ARID1A: variants seen among roughly 807,000 people sequenced by gnomAD.
The protein encoded by ARID1A is AT-rich interactive domain-containing protein 1A.
ARID1A carries 20 observed loss-of-function variants against 212.6 expected under a neutral mutation model. The ratio of observed to expected loss-of-function variants is 0.09; its 90% CI spans 0.07 to 0.14. The LOEUF is 0.14. Ranked by LOEUF, ARID1A falls within the 10% of genes least tolerant of loss-of-function variation. ARID1A has a pLI of 1.00. For synonymous variants in ARID1A, 1,376 were observed against 1,222.1 expected (o/e 1.13, Z -2.63); for missense variants, 2,587 against 3,059.0 (o/e 0.85, Z 3.64).
At position 26,696,312 on chromosome 1, in the gene ARID1A, C is replaced by T. The variant is rs1557568729; in HGVS notation, c.-92C>T. 5.9e-6 allele frequency: 7 copies of T among 1,181,904 alleles called. No homozygotes were observed. Among genetic ancestry groups the T allele is most frequent in the Non-Finnish European group, 7.3e-6 (7 of 959,034 alleles). 73.2% of individuals were successfully genotyped at this position (1,181,904 alleles called of 1,614,324 possible). A position where few individuals can be genotyped will look rare whatever the true frequency, so the allele number is the denominator to read the frequency against. On this transcript the variant is annotated 5_prime_UTR_variant, in exon 1 of 20. Coordinates refer to ENST00000324856, the MANE Select transcript of ARID1A (RefSeq NM_006015.6). ...GGCCCGCCCGGGCGGGTGGGGAGGGCAGCCCGGGGGACTGGGCCCCGGGGC... is the reference window on the plus strand; with the variant it reads ...GGCCCGCCCGGGCGGGTGGGGAGGGTAGCCCGGGGGACTGGGCCCCGGGGC...
chr1:26,721,281 G>A (rs1364609697), intron 1 of ARID1A, among the ~76,000 whole-genome samples: 1 of 152,106 alleles, frequency 6.6e-6, no homozygotes, highest in African/African-American at 2.4e-5. Flanking sequence ...GTGCGATCTC[G>A]GCTCACTGTG....
At chr1:26,775,956 A>C (rs1248213132) in intron 19 of ARID1A, 1 of 631,264 alleles carries the variant, frequency 1.6e-6, no homozygotes, top group Non-Finnish European at 2.9e-6. Context: ...TTGTGGTATT[A>C]GTAAGAATTC....
chr1:26,777,642 G>A (rs549590286), intron 19 of ARID1A, among the ~76,000 whole-genome samples: 2 of 152,178 alleles, frequency 1.3e-5, no homozygotes, highest in African/African-American at 4.8e-5. Flanking sequence ...CCAAAGTGTT[G>A]GGATTACTGG....
chr1:26,734,716 G>A (rs79332332), intron 4 of ARID1A, among the ~76,000 whole-genome samples: 54 of 152,262 alleles, frequency 3.5e-4, no homozygotes, highest in Middle Eastern at 3.4e-3. Context: ...ATTTGCCTAC[G>A]CAGGCTAGGA....
chr1:26,707,124 C>T (rs1270519436), intron 1 of ARID1A, among the ~76,000 whole-genome samples: 2 of 151,556 alleles, frequency 1.3e-5, no homozygotes, highest in Non-Finnish European at 2.9e-5. Flanking sequence ...GTCTCCGCCT[C>T]CTGGGTTCAA....
chr1:26,731,126 T>C, intron 2 of ARID1A, 26 bp from the exon 3 acceptor site: 1 of 1,599,722 alleles, frequency 6.3e-7, no homozygotes, highest in Non-Finnish European at 8.6e-7. Context: ...GAGTCAGTGC[T>C]AAAAGTATAT....
intron 1 of ARID1A, among the ~76,000 whole-genome samples, chr1:26,724,998 A>AT (rs945979756): frequency 6.6e-6 from 1 of 151,306 alleles, no homozygotes; most frequent in Non-Finnish European, 1.5e-5. Flanking sequence ...TTTTATTTTT[A>AT]TTTTTTATGA....
chr1:26,704,473 A>T (rs1280637795), intron 1 of ARID1A, among the ~76,000 whole-genome samples: 1 of 152,148 alleles, frequency 6.6e-6, no homozygotes, highest in Non-Finnish European at 1.5e-5. Flanking sequence ...GTTCAAGTCA[A>T]GTTGCTTGTG....
intron 4 of ARID1A, among the ~76,000 whole-genome samples, chr1:26,749,624 C>T (rs1252155557): frequency 6.6e-6 from 1 of 152,140 alleles, no homozygotes; most frequent in Non-Finnish European, 1.5e-5. Flanking sequence ...GTCAGACCTG[C>T]CTCAAGAGAT....
intron 1 of ARID1A, among the ~76,000 whole-genome samples, chr1:26,710,237 C>T (rs2080437592): frequency 6.7e-6 from 1 of 149,982 alleles, no homozygotes; most frequent in African/African-American, 2.4e-5. Context: ...AGATCGAGAC[C>T]ATCCTGGCCA....
At chr1:26,757,191 G>A (rs2080947843) in intron 4 of ARID1A, among the ~76,000 whole-genome samples, 1 of 150,974 alleles carries the variant, frequency 6.6e-6, no homozygotes, top group Non-Finnish European at 1.5e-5. Context: ...CTCCAGCCTA[G>A]GCGACAGACG....
At chr1:26,722,691 A>G (rs1367882832) in intron 1 of ARID1A, among the ~76,000 whole-genome samples, 1 of 152,252 alleles carries the variant, frequency 6.6e-6, no homozygotes, top group Non-Finnish European at 1.5e-5. Flanking sequence ...TGAATGAACT[A>G]GAATGAAGGA....
Position 26,773,725 on chromosome 1 carries a change from A to T in ARID1A, c.4004+8A>T, listed in dbSNP as rs781414532. Reference sequence around the variant, plus strand: ...GCAGCAGCAGCAGCAACGGTGAGTAAAGCCTGGTCTCGGTGCTGCTATGGA... The same window carrying T: ...GCAGCAGCAGCAGCAACGGTGAGTATAGCCTGGTCTCGGTGCTGCTATGGA... On this transcript the variant is annotated splice_region_variant and intron_variant, in intron 16 of 19. Transcript: ENST00000324856. 1.4e-5 allele frequency: 22 copies of T among 1,613,610 alleles called. No individual in the cohort carries two copies. The highest frequency in any genetic ancestry group is 1.4e-5 in the Non-Finnish European group (16 of 1,179,884).
Position 26,774,054 on chromosome 1 carries a change from C to A in ARID1A, c.4101+156C>A. On this transcript the variant is annotated intron_variant, in intron 17 of 19. Coordinates refer to ENST00000324856, the MANE Select transcript of ARID1A (RefSeq NM_006015.6). The surrounding 1 kb of genome is among the most constrained non-coding windows in gnomAD (Gnocchi z 5.6). The stretch of plus-strand genomic sequence containing the variant: ...CCAGTCCTGCCTGAAGAGCCACGTC[C>A]TCAATCTCTTCTCTATTTGGAGTTG... 9.2e-7 allele frequency: 1 copy of A among 1,091,108 alleles called. No homozygotes were observed. Among genetic ancestry groups the A allele is most frequent in the Non-Finnish European group, 1.3e-6 (1 of 766,510 alleles). 67.6% of individuals were successfully genotyped at this position (1,091,108 alleles called of 1,614,324 possible).
chr1:26,720,569 C>T (rs2080553083), intron 1 of ARID1A, among the ~76,000 whole-genome samples: 1 of 151,994 alleles, frequency 6.6e-6, no homozygotes, highest in African/African-American at 2.4e-5. Context: ...ATACGAGACT[C>T]TCTTAAGATT....
At chr1:26,750,504 C>G (rs976823505) in intron 4 of ARID1A, among the ~76,000 whole-genome samples, 8 of 152,050 alleles carry the variant, frequency 5.3e-5, no homozygotes, top group Admixed American at 3.3e-4. Flanking sequence ...CGTCTTGTAG[C>G]TTGGAGAGTG....
At position 26,779,574 on chromosome 1, in the gene ARID1A, A is replaced by G. The variant is rs967216985; in HGVS notation, c.5676A>G (p.Thr1892=). The part of the protein sequence containing the change: ...VTTAEGTPGT[T]DQEGPPPDGP... ...CAGCAGAGGGTACACCAGGGACAAC[A>G]GACCAGGAGGGGCCCCCACCTGATG... Residue 1892 remains threonine (T), a synonymous_variant, in exon 20 of 20, where the codon ACA becomes ACG. Coordinates refer to ENST00000324856, the MANE Select transcript of ARID1A (RefSeq NM_006015.6). 1.2e-6 allele frequency: 2 copies of G among 1,614,020 alleles called. No individual in the cohort carries two copies. Among genetic ancestry groups the G allele is most frequent in the Non-Finnish European group, 1.7e-6 (2 of 1,180,032 alleles).
rs544161505 is a variant in ARID1A, at chr1:26,757,587, T to C, written c.1921-3269T>C. 1.0e-3 allele frequency among the ~76,000 whole-genome samples: 159 copies of C among 152,322 alleles called. 5 individuals are homozygous for C. In the South Asian group the frequency reaches 0.031, roughly 30 times the overall value. ...TGTGGGGAACTTTGGTGTCGGAGAC[T>C]TTGGCTTCACCTGTAATATCTGAAA... On this transcript the variant is annotated intron_variant, in intron 4 of 19. Coordinates refer to ENST00000324856, the MANE Select transcript of ARID1A (RefSeq NM_006015.6).
At chr1:26,729,622 A>G (rs2124784625) in intron 1 of ARID1A, 29 bp from the exon 2 acceptor site, 1 of 1,610,170 alleles carries the variant, frequency 6.2e-7, no homozygotes, top group Non-Finnish European at 8.5e-7. Context: ...ATCAAAGCTC[A>G]GGTTAATGAA....
Sources: allele counts gnomAD v4.1 joint callset (sites outside exome capture counted in the v4.1 genomes callset), GRCh38; gene constraint gnomAD v4.1.1; non-coding constraint Gnocchi (gnomAD v3.1); transcripts MANE v1.5; gene names NCBI Gene and HGNC (gene_info 2026-07-23, HGNC 2026-07-21).